Variants in PRKG2 observed in about 807,000 individuals in gnomAD.
PRKG2 encodes cGMP-dependent protein kinase 2.
A neutral mutation model predicts 97.2 loss-of-function variants in PRKG2; 33 were observed. That is an observed-to-expected ratio of 0.34 (90% CI 0.26 to 0.45). The LOEUF (loss-of-function observed/expected upper bound fraction) is 0.45. Ranked by LOEUF, PRKG2 falls within the 20% of genes least tolerant of loss-of-function variation. PRKG2 has a pLI of 1.00. For missense variants in PRKG2, 638 were observed against 900.0 expected (o/e 0.71, Z 3.73); for synonymous variants, 330 against 321.8 (o/e 1.03, Z -0.27).
intron 2 of PRKG2, among the ~76,000 whole-genome samples, chr4:81,179,949 C>T (rs1020741355): frequency 2.0e-5 from 3 of 151,902 alleles, no homozygotes; most frequent in Admixed American, 1.3e-4. Flanking sequence ...TTGAGACCAG[C>T]TTGGCCAACC....
chr4:81,148,865 C>A lies in PRKG2; in HGVS notation c.1154+19G>T, dbSNP rs1748112121. The A allele has an allele frequency of 6.2e-7, 1 of 1,611,698 alleles. No homozygotes were observed. The highest frequency in any genetic ancestry group is 8.5e-7 in the Non-Finnish European group (1 of 1,178,146). ...CAAAGGTGGCAGTGGCCTGCCTCCTCCAACATCAGTATACTCACTCTCGAT... is the reference window on the plus strand; with the variant it reads ...CAAAGGTGGCAGTGGCCTGCCTCCTACAACATCAGTATACTCACTCTCGAT... On this transcript the variant is annotated intron_variant, in intron 9 of 18. Coordinates refer to ENST00000264399, the MANE Select transcript of PRKG2 (RefSeq NM_006259.3).
At chr4:81,179,586 T>G (rs1055850196) in intron 2 of PRKG2, among the ~76,000 whole-genome samples, 1 of 152,070 alleles carries the variant, frequency 6.6e-6, no homozygotes, top group South Asian at 2.1e-4. Flanking sequence ...CAATGGAAAA[T>G]ATAAATCTAT....
chr4:81,125,955 G>A (rs1006395661), intron 14 of PRKG2, among the ~76,000 whole-genome samples: 1 of 152,038 alleles, frequency 6.6e-6, no homozygotes, highest in African/African-American at 2.4e-5. Flanking sequence ...GTATACACGT[G>A]CCATGGTAGT....
At chr4:81,155,398 G>A (rs1250722514) in intron 6 of PRKG2, among the ~76,000 whole-genome samples, 1 of 151,974 alleles carries the variant, frequency 6.6e-6, no homozygotes, top group East Asian at 1.9e-4. Context: ...AAAAAGAAAC[G>A]AGCAAAGCCT....
At position 81,203,713 on chromosome 4, in the gene PRKG2, C is replaced by G. The variant is rs78873833; in HGVS notation, c.461+874G>C. ...TTTCGCCCATAAAGAAATGCATACA[C>G]ACACATGTGTGCGCACACACACACA... On this transcript the variant is annotated intron_variant, in intron 2 of 18. Transcript: ENST00000264399. Among the ~76,000 whole-genome samples the G allele has an allele frequency of 1.1e-4, 17 of 151,486 alleles. No homozygotes were observed. In the East Asian group the frequency reaches 3.3e-3, roughly 29 times the overall value.
chr4:81,185,313 G>T (rs1751777350), intron 2 of PRKG2, among the ~76,000 whole-genome samples: 1 of 152,040 alleles, frequency 6.6e-6, no homozygotes, highest in Admixed American at 6.5e-5. Flanking sequence ...AGAGAGTGGG[G>T]GCCAATATTC....
At chr4:81,202,833 T>C (rs1753401381) in intron 2 of PRKG2, among the ~76,000 whole-genome samples, 1 of 152,080 alleles carries the variant, frequency 6.6e-6, no homozygotes, top group African/African-American at 2.4e-5. Context: ...GCATGGTGTT[T>C]TGCCTCAAGA....
At chr4:81,199,819 G>A (rs1481397110) in intron 2 of PRKG2, among the ~76,000 whole-genome samples, 2 of 152,068 alleles carry the variant, frequency 1.3e-5, no homozygotes, top group East Asian at 1.9e-4. Context: ...TTATTTAAAC[G>A]TATGACTCAC....
At chr4:81,213,586 C>A (rs1754117612) in intron 1 of PRKG2, among the ~76,000 whole-genome samples, 4 of 152,100 alleles carry the variant, frequency 2.6e-5, no homozygotes, top group Admixed American at 1.3e-4. Context: ...GTAGAGCCTG[C>A]AAGACGATAT....
At position 81,189,066 on chromosome 4, in the gene PRKG2, T is replaced by TAAAAAAAAAAAAAAAA; in HGVS notation, c.462-14123_462-14108dup. On this transcript the variant is annotated intron_variant, in intron 2 of 18. Transcript: ENST00000264399. ...AAAAAAAAAAGATTAAAAAAAATAATAAAAAAAAAAAAAAAAAAAAAAAAA... is the reference window on the plus strand; with the variant it reads ...AAAAAAAAAAGATTAAAAAAAATAATAAAAAAAAAAAAAAAAAAAAAAAAAAAAAAAAAAAAAAAAA... 1.5e-3 allele frequency among the ~76,000 whole-genome samples: 26 copies of TAAAAAAAAAAAAAAAA among 17,052 alleles called. 1 individual carries two copies. Among genetic ancestry groups the TAAAAAAAAAAAAAAAA allele is most frequent in the African/African-American group, 6.4e-3 (8 of 1,256 alleles). The allele number at this position is 17,052 out of a possible 152,430, so 11.2% of individuals were successfully genotyped here.
At chr4:81,189,053 T>TAAAAAAAA in intron 2 of PRKG2, among the ~76,000 whole-genome samples, 1 of 17,394 alleles carries the variant, frequency 5.7e-5, no homozygotes, top group South Asian at 1.4e-3. Flanking sequence ...AAAAAAAAGA[T>TAAAAAAAA]TAAAAAAAAT....
intron 2 of PRKG2, among the ~76,000 whole-genome samples, chr4:81,195,611 C>T (rs761044154): frequency 1.3e-5 from 2 of 152,100 alleles, no homozygotes; most frequent in East Asian, 3.9e-4. Flanking sequence ...TTTGACGATT[C>T]GAGGTACCTC....
In PRKG2 at chr4:81,155,324, G is replaced by A. The variant is rs987424245; in HGVS notation, c.913-1603C>T. Among the ~76,000 whole-genome samples the A allele has an allele frequency of 2.7e-3, 410 of 152,066 alleles. 4 individuals are homozygous for A. The highest frequency in any genetic ancestry group is 9.2e-3 in the African/African-American group (382 of 41,410). On this transcript the variant is annotated intron_variant, in intron 6 of 18. Transcript: ENST00000264399. Reference sequence around the variant, plus strand: ...CCGATGCGATCAGCTGGAAGAAAGGGTATCAGCAATGGAAGATGAAATGAA... The same window carrying A: ...CCGATGCGATCAGCTGGAAGAAAGGATATCAGCAATGGAAGATGAAATGAA...
intron 5 of PRKG2, among the ~76,000 whole-genome samples, chr4:81,168,657 C>T (rs950505057): frequency 6.6e-6 from 1 of 152,072 alleles, no homozygotes; most frequent in Admixed American, 6.6e-5. Context: ...AATGCATTGG[C>T]TGGCATATAG....
rs1425449698 is a variant in PRKG2, at chr4:81,215,096, G to C, written c.-174C>G. The C allele has an allele frequency of 1.3e-5, 2 of 152,442 alleles. 1 individual carries two copies. The highest frequency in any genetic ancestry group is 4.1e-4 in the South Asian group (2 of 4,836). The allele number at this position is 152,442 out of a possible 1,614,324, so 9.4% of individuals were successfully genotyped here. A position where few individuals can be genotyped will look rare whatever the true frequency, so the allele number is the denominator to read the frequency against. On this transcript the variant is annotated 5_prime_UTR_variant, in exon 1 of 19. Coordinates refer to ENST00000264399, the MANE Select transcript of PRKG2 (RefSeq NM_006259.3). ...CCCCGCCGTGCACACGGTGCGCAGC[G>C]TGGGCCCGGGGCTGCCGGCTCAGTC... is the stretch of plus-strand genomic sequence containing the variant.
At chr4:81,180,493 T>C (rs895092022) in intron 2 of PRKG2, among the ~76,000 whole-genome samples, 3 of 152,138 alleles carry the variant, frequency 2.0e-5, no homozygotes, top group African/African-American at 7.2e-5. Context: ...TTTTCTCTGA[T>C]ACAGGAAAGT....
At chr4:81,199,430 TTATC>T (rs1354805920) in intron 2 of PRKG2, among the ~76,000 whole-genome samples, 2 of 152,178 alleles carry the variant, frequency 1.3e-5, no homozygotes, top group Non-Finnish European at 2.9e-5. Context: ...CTTGAAAAAA[TTATC>T]TATAGGAATG....
chr4:81,192,188 G>A (rs1365308292), intron 2 of PRKG2: 1 of 152,116 alleles, frequency 6.6e-6, no homozygotes, highest in Non-Finnish European at 1.5e-5. Context: ...AGGAACAAAA[G>A]AAGCCAGAGT....
chr4:81,129,468 A>G (rs573903859), intron 14 of PRKG2, among the ~76,000 whole-genome samples: 60 of 152,264 alleles, frequency 3.9e-4, no homozygotes, highest in African/African-American at 1.3e-3. Context: ...GTAGGAATCT[A>G]AGTCTCTTTG....
Sources: gnomAD v4.1 joint callset for allele counts (sites outside exome capture counted in the v4.1 genomes callset) on GRCh38, gnomAD v4.1.1 for gene constraint, MANE v1.5 for transcripts, NCBI Gene and HGNC (gene_info 2026-07-23, HGNC 2026-07-21) for gene names.